The following FGF7 variants were observed in gnomAD, a reference collection of about 807,000 sequenced individuals.
The protein encoded by FGF7 is fibroblast growth factor 7, also known as FGF-7.
In FGF7, 6 loss-of-function variants were observed where a neutral mutation model predicts 20.5. That is an observed-to-expected ratio of 0.29 (90% confidence interval 0.16 to 0.58). FGF7 has a LOEUF of 0.58. FGF7 is among the 20% of genes least tolerant of loss of function. FGF7 has a pLI of 0.90. For missense variants in FGF7, 144 were observed against 228.8 expected (o/e 0.63, Z 2.39); for synonymous variants, 64 against 74.7 (o/e 0.86, Z 0.74).
chr15:49,468,110 T>G (rs1401889007), intron 2 of FGF7, among the ~76,000 whole-genome samples: 1 of 152,180 alleles, frequency 6.6e-6, no homozygotes, highest in Admixed American at 6.6e-5. Context: ...TTTTCTAATG[T>G]TTTATTTTCT....
At chr15:49,462,620 C>T (rs1260605827) in intron 2 of FGF7, among the ~76,000 whole-genome samples, 1 of 152,206 alleles carries the variant, frequency 6.6e-6, no homozygotes, top group Non-Finnish European at 1.5e-5. Flanking sequence ...GGGTAGGCTA[C>T]AGTAACTCTT....
intron 2 of FGF7, among the ~76,000 whole-genome samples, chr15:49,445,731 GT>G (rs2052138189): frequency 1.3e-5 from 2 of 151,536 alleles, no homozygotes; most frequent in Admixed American, 1.3e-4. Context: ...TAGCTGTCCA[GT>G]TTTTAAAAAC....
At chr15:49,476,665 A>G (rs2055350333) in intron 2 of FGF7, among the ~76,000 whole-genome samples, 1 of 152,206 alleles carries the variant, frequency 6.6e-6, no homozygotes, top group African/African-American at 2.4e-5. Context: ...TGTCGGTACA[A>G]ATAGTTTCTC....
intron 2 of FGF7, among the ~76,000 whole-genome samples, chr15:49,446,193 C>A (rs2052193384): frequency 6.6e-6 from 1 of 151,498 alleles, no homozygotes; most frequent in East Asian, 1.9e-4. Flanking sequence ...AATATGGGAA[C>A]ACTTTTTTCT....
chr15:49,455,702 G>A (rs2053220039), intron 2 of FGF7, among the ~76,000 whole-genome samples: 1 of 152,132 alleles, frequency 6.6e-6, no homozygotes, highest in South Asian at 2.1e-4. Flanking sequence ...TGATTTTGGT[G>A]TTTTAAACAT....
intron 2 of FGF7, among the ~76,000 whole-genome samples, chr15:49,431,344 T>C (rs1336057882): frequency 1.3e-5 from 2 of 151,834 alleles, no homozygotes; most frequent in African/African-American, 4.8e-5. Context: ...TGGACATATC[T>C]TTAGTAGAGA....
At position 49,486,245 on chromosome 15, in the gene FGF7, T is replaced by C. The variant is rs1333907487; in HGVS notation, c.*1741T>C. On this transcript the variant is annotated 3_prime_UTR_variant, in exon 4 of 4. Coordinates refer to ENST00000267843, the MANE Select transcript of FGF7 (RefSeq NM_002009.4). Reference sequence around the variant, plus strand: ...TAGGTCAACAAAAACAATAGATTCATTTAATTTTCCTGTGGTTGACCTATA... The same window carrying C: ...TAGGTCAACAAAAACAATAGATTCACTTAATTTTCCTGTGGTTGACCTATA... 1 of 152,084 alleles carries C rather than the reference T, an allele frequency of 6.6e-6. No individual in the cohort carries two copies. Among genetic ancestry groups the C allele is most frequent in the Non-Finnish European group, 1.5e-5 (1 of 67,962 alleles). 9.4% of individuals were successfully genotyped at this position (152,084 alleles called of 1,614,324 possible).
chr15:49,441,886 CT>C (rs1215146714), intron 2 of FGF7, among the ~76,000 whole-genome samples: 3 of 151,404 alleles, frequency 2.0e-5, no homozygotes, highest in African/African-American at 7.2e-5. Flanking sequence ...GAGCAACCTT[CT>C]CATTGTACTT....
chr15:49,460,534 C>A (rs945466262), intron 2 of FGF7, among the ~76,000 whole-genome samples: 1 of 152,188 alleles, frequency 6.6e-6, no homozygotes, highest in Non-Finnish European at 1.5e-5. Flanking sequence ...TATATTTTGA[C>A]ATTTCTTCAC....
intron 2 of FGF7, among the ~76,000 whole-genome samples, chr15:49,438,124 G>T (rs1345251565): frequency 6.6e-6 from 1 of 151,618 alleles, no homozygotes; most frequent in Non-Finnish European, 1.5e-5. Flanking sequence ...AAGATAGGAA[G>T]TAGGAAGAGA....
intron 2 of FGF7, among the ~76,000 whole-genome samples, chr15:49,471,278 A>G (rs1339652468): frequency 6.6e-6 from 1 of 151,558 alleles, no homozygotes; most frequent in Non-Finnish European, 1.5e-5. Context: ...CTAGGTCAGG[A>G]GTTCGAGACT....
chr15:49,472,103 C>A (rs1250206367), intron 2 of FGF7, among the ~76,000 whole-genome samples: 1 of 151,488 alleles, frequency 6.6e-6, no homozygotes, highest in South Asian at 2.1e-4. Context: ...TGGCTGTTAG[C>A]TTAGAATAAC....
rs748169671 is a variant in FGF7, at chr15:49,488,564, C to T, written c.*4060C>T. 6.6e-6 allele frequency: 1 copy of T among 151,904 alleles called. No individual in the cohort carries two copies. The highest frequency in any genetic ancestry group is 2.4e-5 in the African/African-American group (1 of 41,386). The allele number at this position is 151,904 out of a possible 1,614,324, so 9.4% of individuals were successfully genotyped here. On this transcript the variant is annotated 3_prime_UTR_variant, in exon 4 of 4. Coordinates refer to ENST00000267843, the MANE Select transcript of FGF7 (RefSeq NM_002009.4). ...TGCCTCTTATGTTTTCCTTTTACTT[C>T]CTGGTTATCATGTGGTTGCATTTTC...
chr15:49,452,744 C>T (rs74012381), intron 2 of FGF7, among the ~76,000 whole-genome samples: 3,711 of 152,118 alleles, frequency 0.024, 179 homozygotes, highest in African/African-American at 0.086. Context: ...GAGATAGTAT[C>T]TAATCTATGT....
intron 2 of FGF7, among the ~76,000 whole-genome samples, chr15:49,428,951 G>A (rs2050359300): frequency 6.6e-6 from 1 of 151,964 alleles, no homozygotes; most frequent in South Asian, 2.1e-4. Flanking sequence ...ATTTGACTTT[G>A]GCTACAAAAC....
At chr15:49,462,208 G>GA (rs1474988444) in intron 2 of FGF7, among the ~76,000 whole-genome samples, 1 of 151,920 alleles carries the variant, frequency 6.6e-6, no homozygotes, top group Admixed American at 6.6e-5. Flanking sequence ...GATCTGGGAT[G>GA]AAAAAAAGAT....
chr15:49,465,505 G>A (rs1341297313), intron 2 of FGF7, among the ~76,000 whole-genome samples: 4 of 152,030 alleles, frequency 2.6e-5, no homozygotes, highest in Non-Finnish European at 4.4e-5. Flanking sequence ...AGAGTACATA[G>A]AAAACATATG....
At chr15:49,452,922 G>A (rs1369558202) in intron 2 of FGF7, among the ~76,000 whole-genome samples, 1 of 152,126 alleles carries the variant, frequency 6.6e-6, no homozygotes, top group Non-Finnish European at 1.5e-5. Flanking sequence ...ATATTTCAAA[G>A]TCAGGAATTT....
At chr15:49,470,527 A>C (rs1355565524) in intron 2 of FGF7, among the ~76,000 whole-genome samples, 1 of 151,956 alleles carries the variant, frequency 6.6e-6, no homozygotes. Context: ...ACACATTATC[A>C]CTCCCACCTA....
Sources: allele counts gnomAD v4.1 joint callset (sites outside exome capture counted in the v4.1 genomes callset), GRCh38; gene constraint gnomAD v4.1.1; transcripts MANE v1.5; gene names NCBI Gene and HGNC (gene_info 2026-07-23, HGNC 2026-07-21).